The following PLEKHA4 variants were observed in gnomAD, a reference collection of about 807,000 sequenced individuals.
PLEKHA4 encodes pleckstrin homology domain containing A4, also known as pleckstrin homology domain-containing family A member 4.
In PLEKHA4, 73 loss-of-function variants were observed where a neutral mutation model predicts 94.7. The observed-to-expected ratio is 0.77, with a 90% CI of 0.64 to 0.94. The LOEUF (loss-of-function observed/expected upper bound fraction) is 0.94, where lower values mean the gene tolerates loss of function less well. Among genes scored for constraint, PLEKHA4 ranks in the 40% least tolerant of loss-of-function variants. The pLI, the probability that PLEKHA4 is intolerant of heterozygous loss-of-function variation, is 0.00. For synonymous variants in PLEKHA4, 449 were observed against 437.1 expected (o/e 1.03, Z -0.34); for missense variants, 1,049 against 1,054.1 (o/e 1.00, Z 0.07).
intron 6 of PLEKHA4, 111 bp from the exon 7 acceptor site, chr19:48,859,795 T>G: frequency 3.0e-5 from 28 of 945,668 alleles, no homozygotes; most frequent in African/African-American, 3.3e-5. Flanking sequence ...AGTTGTGCAC[T>G]ATAAATCATC....
rs1173011231 is a variant in PLEKHA4, at chr19:48,837,563, G to A, written c.2078-12C>T. On this transcript the variant is annotated splice_polypyrimidine_tract_variant and intron_variant, in intron 19 of 19. Coordinates refer to ENST00000263265, the MANE Select transcript of PLEKHA4 (RefSeq NM_020904.3). This position sits in a 1 kb window ranked among gnomAD's most constrained non-coding sequence, Gnocchi z 4.3. ...GTCCAAATTTCCACCTGGAGAGGAT[G>A]AGTGGGACATGAGAATGGCAAACCT... 2.5e-6 allele frequency: 4 copies of A among 1,613,080 alleles called. No homozygotes were observed. In the Admixed American group the frequency reaches 6.7e-5, roughly 27 times the overall value.
At chr19:48,859,722 A>G (rs1480117521) in intron 6 of PLEKHA4, 38 bp from the exon 7 acceptor site, 1 of 1,558,790 alleles carries the variant, frequency 6.4e-7, no homozygotes, top group East Asian at 2.3e-5. Context: ...ACTCCTTCGA[A>G]CTTCATAACA....
Position 48,859,006 on chromosome 19 carries a change from T to C in PLEKHA4, c.826A>G (p.Ile276Val). The C allele has an allele frequency of 6.8e-7, 1 of 1,469,028 alleles. No individual in the cohort carries two copies. Among genetic ancestry groups the C allele is most frequent in the South Asian group, 1.2e-5 (1 of 83,860 alleles). 91.0% of individuals were successfully genotyped at this position (1,469,028 alleles called of 1,614,324 possible). ...CAATCCAGAGGAGGTCGGACATCAA[T>C]GCGACTCAACGGGGTGTGAGGTCGG... ...PARPHTPLSR[I>V]DVRPPLDWGP... The change falls in exon 8 of 20, where the codon ATT (isoleucine) becomes GTT (valine). Residue 276 changes from isoleucine to valine, a missense_variant. By Grantham distance (29) the Ile-to-Val change is conservative. Transcript: ENST00000263265.
intron 12 of PLEKHA4, among the ~76,000 whole-genome samples, chr19:48,852,539 T>C (rs1297671365): frequency 6.6e-6 from 1 of 152,088 alleles, no homozygotes; most frequent in Non-Finnish European, 1.5e-5. Flanking sequence ...ACTGCTAGTG[T>C]AGACAAATAA....
rs2036325169 is a variant in PLEKHA4 at position 48,854,409 on chromosome 19, C to T, written c.1048-145G>A. ...TTAGAGATAGGGTCTTGCTCTGTCA[C>T]CCAAGCTGGTGTGCAGTCGTGCGAT... On this transcript the variant is annotated intron_variant, in intron 9 of 19. Transcript: ENST00000263265. 6 of 747,242 alleles carry T rather than the reference C, an allele frequency of 8.0e-6. No homozygotes were observed. The Admixed American group carries it at 1.6e-4, about 20-fold the overall frequency. The allele number at this position is 747,242 out of a possible 1,614,324, so 46.3% of individuals were successfully genotyped here.
chr19:48,838,431 C>A (rs1379126103), intron 18 of PLEKHA4: 5 of 164,692 alleles, frequency 3.0e-5, no homozygotes, highest in Non-Finnish European at 1.2e-5. Flanking sequence ...TATATGTATA[C>A]CTAGTATGTA....
rs1459425337 is a variant in PLEKHA4 at position 48,867,850 on chromosome 19, G to A, written c.-6-224C>T. On this transcript the variant is annotated intron_variant, in intron 1 of 19. Transcript: ENST00000263265. This position sits in a 1 kb window ranked among gnomAD's most constrained non-coding sequence, Gnocchi z 4.7. ...GAGGGGGCAGCTGTCTGCAGCCCAG[G>A]CCAGAGAATAGGGGCTTCTTTATTC... Among the ~76,000 whole-genome samples the A allele has an allele frequency of 6.6e-6, 1 of 152,086 alleles. No individual in the cohort carries two copies. The highest frequency in any genetic ancestry group is 1.9e-4 in the East Asian group (1 of 5,190).
intron 16 of PLEKHA4, among the ~76,000 whole-genome samples, chr19:48,843,475 G>A (rs1056942502): frequency 1.3e-5 from 2 of 151,412 alleles, no homozygotes; most frequent in Non-Finnish European, 2.9e-5. Flanking sequence ...CACCGCACGC[G>A]GTCTTTTTTC....
chr19:48,838,184 G>C, intron 18 of PLEKHA4, 55 bp from the exon 19 acceptor site: 1 of 1,028,514 alleles, frequency 9.7e-7, no homozygotes, highest in Non-Finnish European at 1.5e-6. Flanking sequence ...GAGAGGTGGG[G>C]GATGGTTAAT....
intron 18 of PLEKHA4, 175 bp from the exon 19 acceptor site, chr19:48,838,304 C>T: frequency 4.1e-6 from 2 of 485,790 alleles, no homozygotes; most frequent in Non-Finnish European, 3.7e-6. Context: ...AAGGGTGTAA[C>T]TAGATTGTTT....
chr19:48,841,566 G>A (rs2035770122), intron 16 of PLEKHA4, among the ~76,000 whole-genome samples: 1 of 152,014 alleles, frequency 6.6e-6, no homozygotes, highest in Non-Finnish European at 1.5e-5. Context: ...GGTGGAGGTT[G>A]CAGTGAGCCG....
In PLEKHA4 at chr19:48,837,882, C is replaced by G. The variant is rs1360489569; in HGVS notation, c.2077+135G>C. On this transcript the variant is annotated intron_variant, in intron 19 of 19. Transcript: ENST00000263265. The surrounding 1 kb of genome is among the most constrained non-coding windows in gnomAD (Gnocchi z 4.3). ...TGCCTGAGACCTAAAACTCCCAAAC[C>G]CTGCCCAACTCTTTACTCACCAAGA... The G allele has an allele frequency of 1.3e-6, 1 of 744,894 alleles. No individual in the cohort carries two copies. The highest frequency in any genetic ancestry group is 1.8e-5 in the African/African-American group (1 of 56,238). The allele number at this position is 744,894 out of a possible 1,614,324, so 46.1% of individuals were successfully genotyped here. A position where few individuals can be genotyped will look rare whatever the true frequency, so the allele number is the denominator to read the frequency against.
intron 16 of PLEKHA4, among the ~76,000 whole-genome samples, chr19:48,844,119 T>A (rs910834872): frequency 7.4e-6 from 1 of 134,892 alleles, no homozygotes; most frequent in East Asian, 2.2e-4. Flanking sequence ...CCTTATTTAT[T>A]TTATTATTAT....
chr19:48,862,594 C>T (rs1015725007), intron 3 of PLEKHA4, among the ~76,000 whole-genome samples: 11 of 150,926 alleles, frequency 7.3e-5, no homozygotes, highest in East Asian at 2.0e-4. Context: ...CTGCAAGCTC[C>T]GCCTCCCGGG....
Position 48,861,424 on chromosome 19 carries a change from G to T in PLEKHA4, c.343C>A (p.Arg115=). The change falls in exon 5 of 20, where the codon CGA becomes AGA. Residue 115 remains arginine (R), a synonymous_variant. Coordinates refer to ENST00000263265, the MANE Select transcript of PLEKHA4 (RefSeq NM_020904.3). ...ACGGTGAAGGTGAAGCGCCGCCCTC[G>T]GGGGGCTCCCGGCCCATCTGGTCTA... ...NIRPDGPGAP[R]GRRFTFTAEH... 6.2e-7 allele frequency: 1 copy of T among 1,613,746 alleles called. No homozygotes were observed. Among genetic ancestry groups the T allele is most frequent in the Non-Finnish European group, 8.5e-7 (1 of 1,179,956 alleles).
In PLEKHA4 at chr19:48,845,565, A is replaced by G; in HGVS notation, c.1618T>C (p.Trp540Arg). The G allele has an allele frequency of 1.2e-6, 2 of 1,609,818 alleles. No homozygotes were observed. Among genetic ancestry groups the G allele is most frequent in the Non-Finnish European group, 1.7e-6 (2 of 1,177,504 alleles). The change falls in exon 15 of 20, where the codon TGG (tryptophan) becomes CGG (arginine). Residue 540 changes from tryptophan (W) to arginine (R), a missense_variant. Transcript: ENST00000263265. The stretch of plus-strand genomic sequence containing the variant: ...TTGTCGCCTCCAGGAGGCCGCCCCC[A>G]GTCAGTCTCGGGGGACCTAGGGGAG... ...LSSPRSPETDWGRPPGGDKDL... is the reference protein window; with the variant it reads ...LSSPRSPETDRGRPPGGDKDL...
chr19:48,860,884 GAA>G (rs2036613477), intron 5 of PLEKHA4, among the ~76,000 whole-genome samples: 4 of 119,478 alleles, frequency 3.3e-5, no homozygotes, highest in Non-Finnish European at 8.6e-5. Context: ...AAAAGGAAAG[GAA>G]AGGAAAGGAA....
chr19:48,855,595 T>C (rs949728188), intron 9 of PLEKHA4, among the ~76,000 whole-genome samples: 2 of 137,434 alleles, frequency 1.5e-5, no homozygotes, highest in Non-Finnish European at 3.1e-5. Flanking sequence ...CAGAGTGAGA[T>C]TTCGTCTCAA....
rs549798321 is a variant in PLEKHA4, at chr19:48,867,392, G to A, written c.84+145C>T. The A allele has an allele frequency of 3.3e-5, 28 of 858,524 alleles. No homozygotes were observed. The highest frequency in any genetic ancestry group is 2.9e-4 in the African/African-American group (17 of 59,350). The allele number at this position is 858,524 out of a possible 1,614,324, so 53.2% of individuals were successfully genotyped here. On this transcript the variant is annotated intron_variant, in intron 2 of 19. Coordinates refer to ENST00000263265, the MANE Select transcript of PLEKHA4 (RefSeq NM_020904.3). The surrounding 1 kb of genome is among the most constrained non-coding windows in gnomAD (Gnocchi z 4.7). ...GTGCCTCTGAATTCCTAGCTGCGGT[G>A]TGTAGGCAATTTGGGACCTTACTAT...
Sources: gnomAD v4.1 joint callset for allele counts (sites outside exome capture counted in the v4.1 genomes callset) on GRCh38, gnomAD v4.1.1 for gene constraint, Gnocchi (gnomAD v3.1) non-coding constraint, MANE v1.5 for transcripts, NCBI Gene and HGNC (gene_info 2026-07-23, HGNC 2026-07-21) for gene names.